Variants in TBXA2R observed in about 807,000 individuals in gnomAD.
TBXA2R encodes prostanoid TP receptor.
In TBXA2R, 15 loss-of-function variants were observed where a neutral mutation model predicts 15.6. The ratio of observed to expected loss-of-function variants is 0.96; its 90% CI spans 0.64 to 1.48. TBXA2R has a LOEUF of 1.48. Among genes scored for constraint, TBXA2R ranks in the 40% most tolerant of loss-of-function variants. The pLI is 0.00. For missense variants in TBXA2R, 506 were observed against 491.4 expected (o/e 1.03, Z -0.28); for synonymous variants, 280 against 241.2 (o/e 1.16, Z -1.49).
chr19:3,595,883 G>GTGGT lies in TBXA2R; in HGVS notation c.836_837insACCA (p.Gly280ProfsTer112). The GTGGT allele has an allele frequency of 1.2e-6, 2 of 1,608,616 alleles. No homozygotes were observed. The highest frequency in any genetic ancestry group is 3.4e-5 in the Admixed American group (2 of 59,370). On this transcript the variant is annotated frameshift_variant, in exon 3 of 3. Transcript: ENST00000375190. LOFTEE classifies it low-confidence loss of function (END_TRUNC). ...TCTCCGTGGTGCGGGACAGCTGCCCGGCGGGGCTCATGGCAGGCGGGTTTC... is the reference window on the plus strand; with the variant it reads ...TCTCCGTGGTGCGGGACAGCTGCCCGTGGTGCGGGGCTCATGGCAGGCGGGTTTC...
At chr19:3,604,188 G>A (rs2032787983) in intron 1 of TBXA2R, among the ~76,000 whole-genome samples, 3 of 151,250 alleles carry the variant, frequency 2.0e-5, no homozygotes, top group Non-Finnish European at 4.5e-5. Flanking sequence ...CTGCAACTTT[G>A]ATGGGAATCT....
intron 1 of TBXA2R, 116 bp from the exon 2 acceptor site, chr19:3,600,833 T>G (rs1026142305): frequency 4.9e-6 from 3 of 612,262 alleles, no homozygotes; most frequent in East Asian, 2.8e-5. Flanking sequence ...CCGGTTTTTT[T>G]TTTTTTTTTT....
In TBXA2R at chr19:3,601,229, A is replaced by C. The variant is rs193187667; in HGVS notation, c.-83-512T>G. 2.6e-5 allele frequency among the ~76,000 whole-genome samples: 4 copies of C among 152,182 alleles called. No individual in the cohort carries two copies. In the East Asian group the frequency reaches 7.8e-4, roughly 30 times the overall value. The stretch of plus-strand genomic sequence containing the variant: ...TGGGGCTAACGCTCAGCCACAATGC[A>C]CAACAAAATCGGAGCCAAGCCAGGC... On this transcript the variant is annotated intron_variant, in intron 1 of 2. Coordinates refer to ENST00000375190, the MANE Select transcript of TBXA2R (RefSeq NM_001060.6).
intron 2 of TBXA2R, among the ~76,000 whole-genome samples, chr19:3,596,388 G>A (rs534964421): frequency 7.9e-5 from 12 of 152,178 alleles, no homozygotes; most frequent in African/African-American, 2.4e-4. Flanking sequence ...TAACCGCTCT[G>A]AGCTCCTTTT....
At chr19:3,596,739 A>C (rs1432098926) in intron 2 of TBXA2R, among the ~76,000 whole-genome samples, 14 of 148,620 alleles carry the variant, frequency 9.4e-5, no homozygotes, top group Non-Finnish European at 1.8e-4. Context: ...CCACCACCAC[A>C]TCCGGCTAAT....
At chr19:3,599,342 T>A (rs901675197) in intron 2 of TBXA2R, among the ~76,000 whole-genome samples, 15 of 136,794 alleles carry the variant, frequency 1.1e-4, no homozygotes, top group Admixed American at 2.9e-4. Context: ...TTTTATTTTT[T>A]TTTTTGAGAC....
chr19:3,605,758 C>T (rs1461547470), intron 1 of TBXA2R, among the ~76,000 whole-genome samples: 3 of 151,218 alleles, frequency 2.0e-5, no homozygotes, highest in African/African-American at 7.3e-5. Context: ...CAGATAGACA[C>T]ACACAGATGG....
chr19:3,602,544 C>A (rs1029658900), intron 1 of TBXA2R, among the ~76,000 whole-genome samples: 1 of 151,980 alleles, frequency 6.6e-6, no homozygotes, highest in African/African-American at 2.4e-5. Flanking sequence ...TGAGACCAGC[C>A]GGACCAACAT....
In TBXA2R at chr19:3,599,981, G is replaced by A. The variant is rs747631604; in HGVS notation, c.654C>T (p.Ser218=). ...VGLSFLLNTV[S]VATLCHVYHG... is the part of the protein sequence containing the mutation. ...GGTAGACGTGGCACAGGGTGGCCAC[G>A]CTGACCGTGTTCAGCAGGAAGGACA... Residue 218 remains serine (S), a synonymous_variant, in exon 2 of 3, where the codon AGC becomes AGT. Transcript: ENST00000375190. 3 of 1,601,978 alleles carry A rather than the reference G, an allele frequency of 1.9e-6. No individual in the cohort carries two copies. The highest frequency in any genetic ancestry group is 2.6e-6 in the Non-Finnish European group (3 of 1,175,148).
At position 3,600,061 on chromosome 19, in the gene TBXA2R, C is replaced by T. The variant is rs1033904590; in HGVS notation, c.574G>A (p.Gly192Arg). 43 of 1,612,442 alleles carry T rather than the reference C, an allele frequency of 2.7e-5. No individual in the cohort carries two copies. Among genetic ancestry groups the T allele is most frequent in the Non-Finnish European group, 3.1e-5 (36 of 1,179,738 alleles). ...AAGAGCAGCCCGAAGGCCACGTCCC[C>T]GGACTCGGCGCCCAGCGTCAGGAAG... Reference protein sequence around the residue: ...WCFLTLGAESGDVAFGLLFSM... With the variant: ...WCFLTLGAESRDVAFGLLFSM... The change falls in exon 2 of 3, where the codon GGG becomes AGG. Residue 192 changes from glycine (G) to arginine (R), a missense_variant. Gly to Arg is a moderately radical substitution (Grantham distance 125). Transcript: ENST00000375190.
At position 3,595,654 on chromosome 19, in the gene TBXA2R, C is replaced by T. The variant is rs200498700; in HGVS notation, c.*34G>A. 300 of 1,542,172 alleles carry T rather than the reference C, an allele frequency of 1.9e-4. 4 individuals carry two copies. The South Asian group carries it at 3.3e-3, about 17-fold the overall frequency. On this transcript the variant is annotated 3_prime_UTR_variant, in exon 3 of 3. Transcript: ENST00000375190. ...GCTGTCCGAGGGGCCAAGGGCTCCG[C>T]GGAAAGGCGCGGGAGGGGCGCTCTG...
At chr19:3,599,805 G>T in intron 2 of TBXA2R, 44 bp downstream of exon 2, 2 of 1,548,410 alleles carry the variant, frequency 1.3e-6, no homozygotes, top group South Asian at 1.2e-5. Flanking sequence ...GTGACCAGAG[G>T]TCCAGTCAGG....
intron 2 of TBXA2R, among the ~76,000 whole-genome samples, chr19:3,599,148 A>G (rs1156878457): frequency 1.3e-5 from 2 of 150,028 alleles, no homozygotes; most frequent in East Asian, 2.0e-4. Flanking sequence ...GCTGCTTTCT[A>G]TTTTTTTTCT....
chr19:3,603,035 C>CAAA (rs397714160), intron 1 of TBXA2R, among the ~76,000 whole-genome samples: 1 of 135,888 alleles, frequency 7.4e-6, no homozygotes, highest in Non-Finnish European at 1.6e-5. Context: ...GACTCCATCT[C>CAAA]AAAAAAAAAA....
At chr19:3,597,336 T>A (rs1238375754) in intron 2 of TBXA2R, among the ~76,000 whole-genome samples, 5 of 151,112 alleles carry the variant, frequency 3.3e-5, no homozygotes, top group Non-Finnish European at 7.4e-5. Context: ...TGATAATTAT[T>A]CATAATTATA....
At chr19:3,605,475 GAC>G (rs1206743170) in intron 1 of TBXA2R, among the ~76,000 whole-genome samples, 3 of 151,222 alleles carry the variant, frequency 2.0e-5, no homozygotes, top group African/African-American at 4.9e-5. Flanking sequence ...CAGACACACA[GAC>G]ACACACACAG....
chr19:3,605,324 C>T (rs547233163), intron 1 of TBXA2R, among the ~76,000 whole-genome samples: 2 of 152,358 alleles, frequency 1.3e-5, no homozygotes, highest in African/African-American at 4.8e-5. Context: ...AGGCCACCAC[C>T]GTGTGTGCAC....
At chr19:3,604,724 G>T (rs972802079) in intron 1 of TBXA2R, among the ~76,000 whole-genome samples, 1 of 152,082 alleles carries the variant, frequency 6.6e-6, no homozygotes, top group Non-Finnish European at 1.5e-5. Context: ...CCATGCCTGC[G>T]GGTGCTAAGC....
At chr19:3,596,022 C>T in intron 2 of TBXA2R, 89 bp from the exon 3 acceptor site, 2 of 1,478,756 alleles carry the variant, frequency 1.4e-6, no homozygotes, top group Admixed American at 2.0e-5. Context: ...ATCCAGGGTC[C>T]ACTCCGTTTT....
Sources: allele counts gnomAD v4.1 joint callset (sites outside exome capture counted in the v4.1 genomes callset), GRCh38; gene constraint gnomAD v4.1.1; transcripts MANE v1.5; gene names NCBI Gene and HGNC (gene_info 2026-07-23, HGNC 2026-07-21).